CDK19: variants seen among roughly 807,000 people sequenced by gnomAD.
CDK19 encodes cyclin-dependent kinase 19.
CDK19 carries 20 observed loss-of-function variants against 68.3 expected under a neutral mutation model. That is an observed-to-expected ratio of 0.29 (90% CI 0.21 to 0.43). The LOEUF (loss-of-function observed/expected upper bound fraction) is 0.43. Ranked by LOEUF, CDK19 falls within the 20% of genes least tolerant of loss-of-function variation. The pLI is 1.00. For missense variants in CDK19, 339 were observed against 623.5 expected (o/e 0.54, Z 4.86); for synonymous variants, 221 against 222.8 (o/e 0.99, Z 0.07).
chr6:110,730,181 G>A (rs1776643223), intron 2 of CDK19, among the ~76,000 whole-genome samples: 1 of 152,122 alleles, frequency 6.6e-6, no homozygotes, highest in African/African-American at 2.4e-5. Flanking sequence ...GAATTTTAAT[G>A]AAATCTCACG....
At chr6:110,760,574 C>T (rs1779166012) in intron 1 of CDK19, among the ~76,000 whole-genome samples, 1 of 151,872 alleles carries the variant, frequency 6.6e-6, no homozygotes, top group African/African-American at 2.4e-5. Flanking sequence ...CAAAAAAATA[C>T]AAAAATGAGT....
chr6:110,780,805 T>C (rs1208000938), intron 1 of CDK19, among the ~76,000 whole-genome samples: 1 of 152,086 alleles, frequency 6.6e-6, no homozygotes, highest in Non-Finnish European at 1.5e-5. Flanking sequence ...ACATTTCTCA[T>C]CTCTGGAAGA....
intron 2 of CDK19, among the ~76,000 whole-genome samples, chr6:110,707,167 C>T (rs1774582359): frequency 6.6e-6 from 1 of 151,864 alleles, no homozygotes; most frequent in African/African-American, 2.4e-5. Flanking sequence ...GAAACCCCAT[C>T]TCTACTAAAA....
chr6:110,809,271 T>A (rs1053080797), intron 1 of CDK19, among the ~76,000 whole-genome samples: 4 of 150,686 alleles, frequency 2.7e-5, no homozygotes, highest in African/African-American at 9.8e-5. Flanking sequence ...TCCCAGCACT[T>A]TGGGAGGCTG....
chr6:110,670,621 GA>G, intron 2 of CDK19, 80 bp from the exon 3 acceptor site: 1 of 822,852 alleles, frequency 1.2e-6, no homozygotes, highest in Middle Eastern at 2.3e-4. Flanking sequence ...ACTTCAAAAC[GA>G]AATTTCTGAA....
intron 1 of CDK19, among the ~76,000 whole-genome samples, chr6:110,801,782 A>G (rs1174559180): frequency 1.3e-5 from 2 of 152,176 alleles, no homozygotes; most frequent in African/African-American, 4.8e-5. Context: ...AAGTGCTGGG[A>G]TTACAGGCAT....
Position 110,732,365 on chromosome 6 carries a change from T to C in CDK19, c.204+13761A>G, listed in dbSNP as rs375940885. ...ATACCAAAAAAAATTTAGCTGGGTA[T>C]GGTGGTGCATGCCTGTATTCCCAGC... On this transcript the variant is annotated intron_variant, in intron 2 of 12. Coordinates refer to ENST00000368911, the MANE Select transcript of CDK19 (RefSeq NM_015076.5). Among the ~76,000 whole-genome samples, 25 of 152,156 alleles carry C rather than the reference T, an allele frequency of 1.6e-4. No homozygotes were observed. The East Asian group carries it at 2.9e-3, about 18-fold the overall frequency.
At chr6:110,616,626 G>A (rs1296810074) in intron 12 of CDK19, among the ~76,000 whole-genome samples, 3 of 150,618 alleles carry the variant, frequency 2.0e-5, no homozygotes, top group Admixed American at 6.6e-5. Flanking sequence ...CAAGATTGGC[G>A]CCACTGCACT....
At chr6:110,793,966 A>G (rs1230693373) in intron 1 of CDK19, among the ~76,000 whole-genome samples, 4 of 152,188 alleles carry the variant, frequency 2.6e-5, no homozygotes, top group African/African-American at 4.8e-5. Flanking sequence ...TTTGTACAAT[A>G]TTGGTTTTTC....
intron 2 of CDK19, among the ~76,000 whole-genome samples, chr6:110,674,172 G>A (rs774795818): frequency 6.6e-6 from 1 of 152,162 alleles, no homozygotes; most frequent in South Asian, 2.1e-4. Flanking sequence ...ACCCACATAA[G>A]ATGGCAAACT....
In CDK19 at chr6:110,653,955, C is replaced by A. The variant is rs184601889; in HGVS notation, c.456+13479G>T. On this transcript the variant is annotated intron_variant, in intron 4 of 12. Transcript: ENST00000368911. ...TTCTCCCACCCCAAGACATTTGGGA[C>A]AAAAATATGAAACTCATAATATGAC... Among the ~76,000 whole-genome samples the A allele has an allele frequency of 1.8e-3, 269 of 151,948 alleles. 3 individuals are homozygous for A. Among genetic ancestry groups the A allele is most frequent in the Non-Finnish European group, 1.9e-3 (129 of 67,980 alleles).
intron 1 of CDK19, among the ~76,000 whole-genome samples, chr6:110,781,282 G>C (rs1780797823): frequency 6.6e-6 from 1 of 152,176 alleles, no homozygotes; most frequent in Non-Finnish European, 1.5e-5. Context: ...GAAGGAGCAA[G>C]AAAGAGAGGA....
At chr6:110,651,549 A>G (rs899579641) in intron 4 of CDK19, among the ~76,000 whole-genome samples, 6 of 152,196 alleles carry the variant, frequency 3.9e-5, no homozygotes, top group African/African-American at 1.4e-4. Context: ...GCTGGGCAAC[A>G]TGGTGAAAAC....
rs1780560313 is a variant in CDK19 at position 110,646,198 on chromosome 6, T to C, written c.457-7492A>G. The C allele has an allele frequency of 2.2e-6, 3 of 1,351,884 alleles. No individual in the cohort carries two copies. The East Asian group carries it at 7.5e-5, about 34-fold the overall frequency. The allele number at this position is 1,351,884 out of a possible 1,614,324, so 83.7% of individuals were successfully genotyped here. On this transcript the variant is annotated intron_variant, in intron 4 of 12. Coordinates refer to ENST00000368911, the MANE Select transcript of CDK19 (RefSeq NM_015076.5). ...CACCAGAGCCTGTTCCTCCGCATCC[T>C]CAGCAACTCGTCGGGGTCCGACGCG...
intron 6 of CDK19, among the ~76,000 whole-genome samples, chr6:110,629,384 C>T (rs781579569): frequency 6.6e-6 from 1 of 152,132 alleles, no homozygotes; most frequent in Non-Finnish European, 1.5e-5. Flanking sequence ...TGCTTGTCAC[C>T]ATCACTGCCA....
At chr6:110,683,575 T>G (rs1406915174) in intron 2 of CDK19, among the ~76,000 whole-genome samples, 1 of 152,200 alleles carries the variant, frequency 6.6e-6, no homozygotes, top group Non-Finnish European at 1.5e-5. Flanking sequence ...TCTCTGACTT[T>G]TAAATTCTGC....
At chr6:110,791,472 AT>A (rs1269898693) in intron 1 of CDK19, among the ~76,000 whole-genome samples, 10 of 152,232 alleles carry the variant, frequency 6.6e-5, no homozygotes, top group Middle Eastern at 3.4e-3. Context: ...GTTTAGTAAA[AT>A]GGAAAAATAT....
At chr6:110,617,856 CAAAAAAAAAAAAAA>C (rs58620857) in intron 12 of CDK19, among the ~76,000 whole-genome samples, 2,722 of 17,350 alleles carry the variant, frequency 0.16, 142 homozygotes, top group African/African-American at 0.27. Context: ...GACTCTGTCT[CAAAAAAAAAAAAAA>C]AAAAAAAAAA....
intron 1 of CDK19, among the ~76,000 whole-genome samples, chr6:110,769,229 T>C (rs1779820554): frequency 6.6e-6 from 1 of 151,038 alleles, no homozygotes; most frequent in South Asian, 2.1e-4. Flanking sequence ...TACTGAATTA[T>C]TGATTTTAAC....
Sources: allele counts gnomAD v4.1 joint callset (sites outside exome capture counted in the v4.1 genomes callset), GRCh38; gene constraint gnomAD v4.1.1; transcripts MANE v1.5; gene names NCBI Gene and HGNC (gene_info 2026-07-23, HGNC 2026-07-21).